The following LINGO2 variants were observed in gnomAD, a reference collection of about 807,000 sequenced individuals.
The protein encoded by LINGO2 is leucine rich repeat and Ig domain containing 2.
A neutral mutation model predicts 30.6 loss-of-function variants in LINGO2; 14 were observed. The observed-to-expected ratio is 0.46, with a 90% CI of 0.30 to 0.72. The LOEUF (loss-of-function observed/expected upper bound fraction) is 0.72. LINGO2 is among the 30% of genes least tolerant of loss of function. LINGO2 has a pLI of 0.07. For synonymous variants in LINGO2, 317 were observed against 288.5 expected (o/e 1.10, Z -1.00); for missense variants, 729 against 751.7 (o/e 0.97, Z 0.35).
chr9:28,428,817 T>A (rs143753492), intron 2 of LINGO2, among the ~76,000 whole-genome samples: 226 of 152,268 alleles, frequency 1.5e-3, no homozygotes, highest in African/African-American at 5.2e-3. Flanking sequence ...AGGATGGGTT[T>A]TCTCACCTGC....
intron 5 of LINGO2, among the ~76,000 whole-genome samples, chr9:27,982,190 T>G (rs2118919322): frequency 6.6e-6 from 1 of 151,956 alleles, no homozygotes; most frequent in South Asian, 2.1e-4. Flanking sequence ...AGGTCAGAGG[T>G]TTGTCTCTGT....
At chr9:28,898,059 AG>A in the LINGO2 span, among the ~76,000 whole-genome samples, 1 of 152,118 alleles carries the variant, frequency 6.6e-6, no homozygotes, top group Admixed American at 6.6e-5. Context: ...GAATAAAAGT[AG>A]TGACCTCTAC....
chr9:28,653,627 G>T (rs1362005449), intron 1 of LINGO2, among the ~76,000 whole-genome samples: 2 of 152,138 alleles, frequency 1.3e-5, no homozygotes, highest in Non-Finnish European at 2.9e-5. Flanking sequence ...ATGTGATAAT[G>T]AGAAGAATTG....
Position 28,474,320 on chromosome 9 carries a change from C to T in LINGO2, c.-279+1620G>A, listed in dbSNP as rs566814970. On this transcript the variant is annotated intron_variant, in intron 2 of 5. Transcript: ENST00000379992. Reference sequence around the variant, plus strand: ...TTATCTCTTAGAATTGTACACAGGTCGGTAAACTGCTTTGAACTGACAAGG... The same window carrying T: ...TTATCTCTTAGAATTGTACACAGGTTGGTAAACTGCTTTGAACTGACAAGG... 7.8e-4 allele frequency among the ~76,000 whole-genome samples: 118 copies of T among 152,136 alleles called. 1 individual carries two copies. The highest frequency in any genetic ancestry group is 2.7e-3 in the African/African-American group (114 of 41,522).
At chr9:28,062,868 A>T (rs990905477) in intron 4 of LINGO2, among the ~76,000 whole-genome samples, 5 of 151,754 alleles carry the variant, frequency 3.3e-5, no homozygotes, top group Non-Finnish European at 7.4e-5. Flanking sequence ...TTCTTTCTGT[A>T]CTCATTAGCT....
chr9:29,068,332 C>T, the LINGO2 span, among the ~76,000 whole-genome samples: 1 of 151,542 alleles, frequency 6.6e-6, no homozygotes, highest in Admixed American at 6.6e-5. Flanking sequence ...TAGATGTCCA[C>T]CGCATATAAA....
the LINGO2 span, among the ~76,000 whole-genome samples, chr9:29,027,239 A>G: frequency 1.3e-5 from 2 of 152,232 alleles, no homozygotes; most frequent in African/African-American, 2.4e-5. Context: ...TCAGAATATT[A>G]AAAAATTATG....
At chr9:28,590,840 T>C (rs868616628) in intron 1 of LINGO2, among the ~76,000 whole-genome samples, 1 of 152,142 alleles carries the variant, frequency 6.6e-6, no homozygotes, top group Non-Finnish European at 1.5e-5. Flanking sequence ...ATCATGCTGC[T>C]ATAAAGATAC....
chr9:29,054,202 G>A, the LINGO2 span, among the ~76,000 whole-genome samples: 1 of 152,004 alleles, frequency 6.6e-6, no homozygotes, highest in Admixed American at 6.6e-5. Flanking sequence ...CAGCCCAATT[G>A]TACAACAAAA....
the LINGO2 span, among the ~76,000 whole-genome samples, chr9:28,878,937 A>T: frequency 6.6e-6 from 1 of 152,298 alleles, no homozygotes; most frequent in Non-Finnish European, 1.5e-5. Context: ...CAAGACAGGG[A>T]TGCCCTCTCT....
chr9:28,188,341 T>A (rs1381061683), intron 4 of LINGO2, among the ~76,000 whole-genome samples: 1 of 152,170 alleles, frequency 6.6e-6, no homozygotes, highest in Admixed American at 6.5e-5. Context: ...AACTAAATTG[T>A]TTTCTTCTTT....
At chr9:28,742,111 G>A in the LINGO2 span, among the ~76,000 whole-genome samples, 1 of 152,014 alleles carries the variant, frequency 6.6e-6, no homozygotes, top group Non-Finnish European at 1.5e-5. Flanking sequence ...CTAGCACTAT[G>A]TTTTACTATG....
chr9:28,593,907 A>C (rs554756297), intron 1 of LINGO2, among the ~76,000 whole-genome samples: 3 of 152,098 alleles, frequency 2.0e-5, no homozygotes, highest in African/African-American at 7.2e-5. Flanking sequence ...GAAGCAGCTT[A>C]AATTGTAGGA....
At chr9:28,907,079 T>C in the LINGO2 span, among the ~76,000 whole-genome samples, 3 of 151,994 alleles carry the variant, frequency 2.0e-5, no homozygotes, top group Non-Finnish European at 4.4e-5. Context: ...ATATCTTTTT[T>C]CATGACTTCC....
At chr9:28,565,024 A>G (rs2135567031) in intron 1 of LINGO2, among the ~76,000 whole-genome samples, 1 of 152,194 alleles carries the variant, frequency 6.6e-6, no homozygotes, top group East Asian at 1.9e-4. Context: ...CTCCAAATTT[A>G]CAAACTGAAA....
At chr9:28,924,988 C>T in the LINGO2 span, among the ~76,000 whole-genome samples, 1 of 151,988 alleles carries the variant, frequency 6.6e-6, no homozygotes, top group East Asian at 1.9e-4. Context: ...CTATGTTTGG[C>T]TTGTATATTT....
At chr9:28,314,619 G>A (rs189067461) in intron 3 of LINGO2, among the ~76,000 whole-genome samples, 15 of 152,286 alleles carry the variant, frequency 9.8e-5, no homozygotes, top group Admixed American at 9.8e-4. Flanking sequence ...CAAGCTGACA[G>A]CTCTTTGCTC....
At chr9:28,570,872 A>G (rs1823655222) in intron 1 of LINGO2, among the ~76,000 whole-genome samples, 1 of 152,028 alleles carries the variant, frequency 6.6e-6, no homozygotes. Flanking sequence ...GTAGACATGC[A>G]TTGTATTCAC....
At chr9:28,439,501 G>T (rs991536260) in intron 2 of LINGO2, among the ~76,000 whole-genome samples, 4 of 152,032 alleles carry the variant, frequency 2.6e-5, no homozygotes, top group Non-Finnish European at 5.9e-5. Flanking sequence ...TTGGAGGAGG[G>T]GGCTTGGTCA....
Sources: gnomAD v4.1 joint callset for allele counts (sites outside exome capture counted in the v4.1 genomes callset) on GRCh38, gnomAD v4.1.1 for gene constraint, MANE v1.5 for transcripts, NCBI Gene and HGNC (gene_info 2026-07-23, HGNC 2026-07-21) for gene names.